COX7A2L: variants seen among roughly 807,000 people sequenced by gnomAD.
COX7A2L encodes cytochrome c oxidase subunit 7A2-like, mitochondrial.
In COX7A2L, 18 loss-of-function variants were observed where a neutral mutation model predicts 14.2. The ratio of observed to expected loss-of-function variants is 1.27; its 90% CI spans 0.88 to 1.88. The LOEUF (loss-of-function observed/expected upper bound fraction) is 1.88. COX7A2L is among the 40% of genes most tolerant of loss of function. COX7A2L has a pLI of 0.00. For synonymous variants in COX7A2L, 65 were observed against 57.4 expected (o/e 1.13, Z -0.60); for missense variants, 179 against 138.8 (o/e 1.29, Z -1.46).
chr2:42,342,498 T>C lies in COX7A2L; in HGVS notation c.193-8629A>G, dbSNP rs954844234. On this transcript the variant is annotated intron_variant, in intron 2 of 2. Transcript: ENST00000468711. The surrounding 1 kb of genome is among the most constrained non-coding windows in gnomAD (Gnocchi z 4.9). ...TCCATCTGCTTTACTTTACAGCCCT[T>C]CCAAGGCTTCTTCCTAAAACCTTCT... Among the ~76,000 whole-genome samples, 2 of 152,124 alleles carry C rather than the reference T, an allele frequency of 1.3e-5. No homozygotes were observed. The highest frequency in any genetic ancestry group is 2.9e-5 in the Non-Finnish European group (2 of 68,026).
At chr2:42,352,195 G>C (rs1226630906) in intron 2 of COX7A2L, among the ~76,000 whole-genome samples, 1 of 151,794 alleles carries the variant, frequency 6.6e-6, no homozygotes, top group Admixed American at 6.6e-5. Context: ...TTAGAGACTG[G>C]GTCTCACTCT....
At chr2:42,356,737 G>C (rs558332256) in intron 1 of COX7A2L, among the ~76,000 whole-genome samples, 1 of 152,082 alleles carries the variant, frequency 6.6e-6, no homozygotes, top group East Asian at 1.9e-4. Context: ...ATCATCCTGG[G>C]CAACGTAGTG....
At chr2:42,337,878 CCAGT>C (rs970318796) in intron 2 of COX7A2L, among the ~76,000 whole-genome samples, 2 of 152,212 alleles carry the variant, frequency 1.3e-5, no homozygotes, top group Non-Finnish European at 2.9e-5. Flanking sequence ...GCTCCACTGA[CCAGT>C]CAGAGGAGGC....
downstream of COX7A2L, among the ~76,000 whole-genome samples, chr2:42,345,982 C>T (rs908783870): frequency 1.3e-5 from 2 of 152,164 alleles, no homozygotes; most frequent in African/African-American, 4.8e-5. Context: ...TTCAGAGTAA[C>T]GTGCTTAGAA....
At chr2:42,344,806 G>C (rs1670464154), downstream of COX7A2L, among the ~76,000 whole-genome samples, 1 of 151,616 alleles carries the variant, frequency 6.6e-6, no homozygotes, top group African/African-American at 2.4e-5. Flanking sequence ...AGCTGAGATT[G>C]CGCCACTGTA....
chr2:42,365,394 A>G (rs1671145526), upstream of COX7A2L, among the ~76,000 whole-genome samples: 1 of 152,220 alleles, frequency 6.6e-6, no homozygotes, highest in African/African-American at 2.4e-5. Flanking sequence ...TGGGAGGCCA[A>G]GGCAGGTGGA....
rs1670397850 is a variant in COX7A2L at position 42,341,152 on chromosome 2, GTTTA to G, written c.193-7287_193-7284del. Among the ~76,000 whole-genome samples the G allele has an allele frequency of 9.2e-5, 14 of 152,284 alleles. No homozygotes were observed. In the South Asian group the frequency reaches 2.7e-3, roughly 29 times the overall value. On this transcript the variant is annotated intron_variant, in intron 2 of 2. Transcript: ENST00000468711. The stretch of plus-strand genomic sequence containing the variant: ...GTGAGTCCCACAGGGGGACACAGTG[GTTTA>G]TTTCAGTCCTCCCTCAACCCCTCCT...
chr2:42,345,695 A>G (rs1670482029), downstream of COX7A2L, among the ~76,000 whole-genome samples: 1 of 152,226 alleles, frequency 6.6e-6, no homozygotes, highest in African/African-American at 2.4e-5. Flanking sequence ...TTTAGGAGGT[A>G]TAATGGAGGA....
chr2:42,340,414 C>A lies in COX7A2L; in HGVS notation c.193-6545G>T, dbSNP rs536157234. On this transcript the variant is annotated intron_variant, in intron 2 of 2. Transcript: ENST00000468711. ...TAAGTCTTTTTCCTCTCCATTCTGT[C>A]CTCCACACTGCCACTGTGGGTTCAA... Among the ~76,000 whole-genome samples, 5 of 152,344 alleles carry A rather than the reference C, an allele frequency of 3.3e-5. No homozygotes were observed. In the East Asian group the frequency reaches 9.6e-4, roughly 29 times the overall value.
chr2:42,366,983 A>C (rs1254020603), intron 1 of COX7A2L, among the ~76,000 whole-genome samples: 1 of 152,232 alleles, frequency 6.6e-6, no homozygotes. Flanking sequence ...CAAAGAGAGG[A>C]GTTGGGTATC....
intron 1 of COX7A2L, among the ~76,000 whole-genome samples, chr2:42,357,264 G>A (rs1254520552): frequency 6.6e-6 from 1 of 152,104 alleles, no homozygotes; most frequent in Non-Finnish European, 1.5e-5. Context: ...TGTGATTTAG[G>A]ACTGGAGACC....
chr2:42,337,881 G>T (rs1670316525), intron 2 of COX7A2L, among the ~76,000 whole-genome samples: 1 of 152,212 alleles, frequency 6.6e-6, no homozygotes, highest in Non-Finnish European at 1.5e-5. Context: ...CCACTGACCA[G>T]TCAGAGGAGG....
chr2:42,344,484 T>C (rs1183897135), downstream of COX7A2L, among the ~76,000 whole-genome samples: 1 of 152,252 alleles, frequency 6.6e-6, no homozygotes, highest in Non-Finnish European at 1.5e-5. Flanking sequence ...AGAAATACTT[T>C]TGTTCTAGAT....
chr2:42,361,374 T>C (rs1671045590), upstream of COX7A2L: 1 of 519,744 alleles, frequency 1.9e-6, no homozygotes, highest in African/African-American at 2.0e-5. Flanking sequence ...CAAAACCAGC[T>C]CTAAGAGAGC....
chr2:42,349,940 A>G lies in COX7A2L; in HGVS notation c.*1279T>C, dbSNP rs1670586199. On this transcript the variant is annotated 3_prime_UTR_variant, in exon 3 of 3. Transcript: ENST00000234301. The stretch of plus-strand genomic sequence containing the variant: ...AAAGCAAAGGTGCCAATATATTGAT[A>G]ACTGGTGATCTAAGTGAAGGATATA... 1 of 152,202 alleles carries G rather than the reference A, an allele frequency of 6.6e-6. No homozygotes were observed. The highest frequency in any genetic ancestry group is 1.5e-5 in the Non-Finnish European group (1 of 68,032). The allele number at this position is 152,202 out of a possible 1,614,324, so 9.4% of individuals were successfully genotyped here.
At chr2:42,366,561 G>C (rs1445600612) in intron 1 of COX7A2L, among the ~76,000 whole-genome samples, 1 of 152,094 alleles carries the variant, frequency 6.6e-6, no homozygotes, top group East Asian at 1.9e-4. Flanking sequence ...AGTTTAACAG[G>C]GTGATTGCAA....
At chr2:42,336,338 GAT>G (rs1670271737) in intron 2 of COX7A2L, among the ~76,000 whole-genome samples, 1 of 152,190 alleles carries the variant, frequency 6.6e-6, no homozygotes, top group African/African-American at 2.4e-5. Context: ...CACTGCTGAT[GAT>G]TACTAAGTAT....
At chr2:42,352,977 C>G (rs1056204610) in intron 2 of COX7A2L, 46 of 559,156 alleles carry the variant, frequency 8.2e-5, no homozygotes, top group Non-Finnish European at 1.3e-4. Context: ...CATGCCATTT[C>G]AAAACCCTCA....
chr2:42,340,629 G>C (rs1572783283), intron 2 of COX7A2L, among the ~76,000 whole-genome samples: 1 of 151,992 alleles, frequency 6.6e-6, no homozygotes, highest in Non-Finnish European at 1.5e-5. Flanking sequence ...GCGCACCCGA[G>C]ATGCCCTCAC....
Sources: gnomAD v4.1 joint callset for allele counts (sites outside exome capture counted in the v4.1 genomes callset) on GRCh38, gnomAD v4.1.1 for gene constraint, Gnocchi (gnomAD v3.1) non-coding constraint, MANE v1.5 for transcripts, NCBI Gene and HGNC (gene_info 2026-07-23, HGNC 2026-07-21) for gene names.